RBFOX1: variants seen among roughly 807,000 people sequenced by gnomAD.
The protein encoded by RBFOX1 is RNA binding protein fox-1 homolog 1.
In RBFOX1, 8 loss-of-function variants were observed where a neutral mutation model predicts 57.7. The observed-to-expected ratio is 0.14, with a 90% CI of 0.08 to 0.25. RBFOX1 has a LOEUF of 0.25. Ranked by LOEUF, RBFOX1 falls within the 10% of genes least tolerant of loss-of-function variation. RBFOX1 has a pLI of 1.00. For missense variants in RBFOX1, 611 were observed against 548.5 expected (o/e 1.11, Z -1.14); for synonymous variants, 326 against 222.4 (o/e 1.47, Z -4.15).
intron 2 of RBFOX1, among the ~76,000 whole-genome samples, chr16:6,473,872 G>A (rs1376365571): frequency 6.6e-6 from 1 of 152,182 alleles, no homozygotes; most frequent in Non-Finnish European, 1.5e-5. Context: ...TTGGTCCGAA[G>A]TTGGAGGTGT....
intron 3 of RBFOX1, among the ~76,000 whole-genome samples, chr16:5,707,049 C>T (rs972962089): frequency 2.0e-5 from 3 of 152,112 alleles, no homozygotes; most frequent in African/African-American, 7.2e-5. Context: ...AGCAGAGCAC[C>T]CATCCAGGGG....
chr16:5,325,271 A>C (rs779979840), intron 1 of RBFOX1, among the ~76,000 whole-genome samples: 1 of 151,596 alleles, frequency 6.6e-6, no homozygotes, highest in Non-Finnish European at 1.5e-5. Context: ...ACTACTTGTA[A>C]TAGCTGCAGG....
chr16:5,399,099 A>G (rs530801863), intron 1 of RBFOX1, among the ~76,000 whole-genome samples: 1 of 152,142 alleles, frequency 6.6e-6, no homozygotes, highest in Non-Finnish European at 1.5e-5. Flanking sequence ...TTTCGACTTA[A>G]ATCTATTCTC....
intron 4 of RBFOX1, among the ~76,000 whole-genome samples, chr16:5,986,825 T>C (rs1018469591): frequency 6.6e-6 from 1 of 152,232 alleles, no homozygotes; most frequent in Non-Finnish European, 1.5e-5. Context: ...GTGAAGTTGC[T>C]GTAAACATTG....
chr16:6,696,807 A>G (rs766386065), intron 3 of RBFOX1, among the ~76,000 whole-genome samples: 1 of 152,190 alleles, frequency 6.6e-6, no homozygotes, highest in African/African-American at 2.4e-5. Flanking sequence ...AGAGGTGAGA[A>G]GTAGAATAAC....
intron 2 of RBFOX1, among the ~76,000 whole-genome samples, chr16:6,398,438 T>A (rs2092929923): frequency 6.6e-6 from 1 of 151,968 alleles, no homozygotes; most frequent in African/African-American, 2.4e-5. Context: ...ACAAAGTAAC[T>A]CTGTTCTGCC....
At chr16:7,117,255 C>T (rs1054650690) in intron 4 of RBFOX1, among the ~76,000 whole-genome samples, 2 of 152,020 alleles carry the variant, frequency 1.3e-5, no homozygotes, top group Non-Finnish European at 2.9e-5. Context: ...AAAAACTGAT[C>T]GTTTCATTGT....
At chr16:6,919,722 T>G (rs915682825) in intron 3 of RBFOX1, among the ~76,000 whole-genome samples, 14 of 150,400 alleles carry the variant, frequency 9.3e-5, no homozygotes, top group South Asian at 2.1e-4. Context: ...ATGTTATAGA[T>G]AAGGAGAAAA....
intron 1 of RBFOX1, among the ~76,000 whole-genome samples, chr16:6,075,005 G>T (rs902281970): frequency 6.6e-6 from 1 of 152,146 alleles, no homozygotes; most frequent in Non-Finnish European, 1.5e-5. Flanking sequence ...ATCTTTGTCA[G>T]TGCCCACCCT....
chr16:5,974,934 G>A (rs71392449), intron 4 of RBFOX1, among the ~76,000 whole-genome samples: 10 of 152,130 alleles, frequency 6.6e-5, no homozygotes, highest in Admixed American at 3.3e-4. Flanking sequence ...CTGGAACCTA[G>A]GAGACGGAGG....
intron 3 of RBFOX1, among the ~76,000 whole-genome samples, chr16:6,939,365 G>A (rs1002093110): frequency 1.3e-5 from 2 of 150,680 alleles, no homozygotes; most frequent in African/African-American, 2.5e-5. Flanking sequence ...AAAGTTTTAG[G>A]TAGCTTTATA....
chr16:7,558,504 T>G (rs2089423211), intron 5 of RBFOX1, among the ~76,000 whole-genome samples: 1 of 152,152 alleles, frequency 6.6e-6, no homozygotes, highest in Non-Finnish European at 1.5e-5. Flanking sequence ...TTTTCGTATA[T>G]GTATATACAT....
chr16:7,535,575 T>G (rs1426029048), intron 5 of RBFOX1, among the ~76,000 whole-genome samples: 1 of 152,090 alleles, frequency 6.6e-6, no homozygotes, highest in African/African-American at 2.4e-5. Flanking sequence ...TGCTGGAGAG[T>G]CTATCAGATC....
At chr16:5,445,372 T>C (rs1038728063) in intron 1 of RBFOX1, among the ~76,000 whole-genome samples, 4 of 152,222 alleles carry the variant, frequency 2.6e-5, no homozygotes, top group African/African-American at 4.8e-5. Flanking sequence ...AGTTTGCCTT[T>C]GGCATCTTTG....
chr16:7,551,285 A>G (rs952305822), intron 5 of RBFOX1, among the ~76,000 whole-genome samples: 1 of 152,204 alleles, frequency 6.6e-6, no homozygotes, highest in African/African-American at 2.4e-5. Context: ...TTTAGAAAAA[A>G]GTCACCATAC....
At chr16:6,932,216 G>T (rs887892407) in intron 3 of RBFOX1, among the ~76,000 whole-genome samples, 12 of 152,198 alleles carry the variant, frequency 7.9e-5, no homozygotes, top group African/African-American at 2.9e-4. Flanking sequence ...TGATTTCCCT[G>T]CCTCGGCCTC....
intron 3 of RBFOX1, among the ~76,000 whole-genome samples, chr16:5,760,676 T>C (rs1326550401): frequency 6.6e-6 from 1 of 152,222 alleles, no homozygotes; most frequent in Non-Finnish European, 1.5e-5. Flanking sequence ...ATTCAATTTA[T>C]ATGAAATATT....
At chr16:6,278,543 A>T (rs928565537) in intron 1 of RBFOX1, among the ~76,000 whole-genome samples, 3 of 152,092 alleles carry the variant, frequency 2.0e-5, no homozygotes, top group African/African-American at 7.2e-5. Context: ...AGAAGAAAAA[A>T]ATAACAATTT....
At chr16:6,123,214 T>C (rs181412577) in intron 1 of RBFOX1, among the ~76,000 whole-genome samples, 21 of 152,336 alleles carry the variant, frequency 1.4e-4, no homozygotes, top group South Asian at 4.1e-4. Context: ...GTGTTTATTG[T>C]AGAATTATTT....
Sources: gnomAD v4.1 joint callset for allele counts (sites outside exome capture counted in the v4.1 genomes callset) on GRCh38, gnomAD v4.1.1 for gene constraint, MANE v1.5 for transcripts, NCBI Gene and HGNC (gene_info 2026-07-23, HGNC 2026-07-21) for gene names.